The following ALK variants were observed in gnomAD, a reference collection of about 807,000 sequenced individuals.
ALK encodes the protein ALK tyrosine kinase receptor.
Under a neutral mutation model 163.1 loss-of-function variants are expected in ALK, and 74 were observed. That is an observed-to-expected ratio of 0.45 (90% confidence interval 0.38 to 0.55). ALK has a LOEUF of 0.55. ALK is among the 20% of genes least tolerant of loss of function. The pLI is 0.00. For synonymous variants in ALK, 960 were observed against 843.2 expected (o/e 1.14, Z -2.40); for missense variants, 2,063 against 2,105.3 (o/e 0.98, Z 0.39).
At chr2:29,886,426 A>G (rs1666985827) in intron 1 of ALK, among the ~76,000 whole-genome samples, 1 of 152,228 alleles carries the variant, frequency 6.6e-6, no homozygotes, top group Admixed American at 6.5e-5. Context: ...CATGTGTAGT[A>G]CCCTGGCCCT....
chr2:29,425,015 A>G (rs2148069923), intron 4 of ALK, among the ~76,000 whole-genome samples: 1 of 152,322 alleles, frequency 6.6e-6, no homozygotes, highest in South Asian at 2.1e-4. Flanking sequence ...AAAAATAAAG[A>G]ATTGCAGAGG....
At position 29,478,103 on chromosome 2, in the gene ALK, C is replaced by G. The variant is rs192612657; in HGVS notation, c.1154+53812G>C. 7.8e-3 allele frequency among the ~76,000 whole-genome samples: 1,188 copies of G among 152,326 alleles called. 20 individuals carry two copies. Among genetic ancestry groups the G allele is most frequent in the African/African-American group, 0.028 (1,155 of 41,568 alleles). On this transcript the variant is annotated intron_variant, in intron 4 of 28. Transcript: ENST00000389048. ...TCACTCTCAGCTTCTCAAAGCTCCC[C>G]AGGTTTGCTGCCTGTGGCTCCAGAC... is the stretch of plus-strand genomic sequence containing the variant.
At chr2:29,469,736 T>C (rs934697324) in intron 4 of ALK, among the ~76,000 whole-genome samples, 4 of 152,204 alleles carry the variant, frequency 2.6e-5, no homozygotes, top group African/African-American at 9.7e-5. Context: ...AGTCATTTAG[T>C]CATTCATTGA....
At chr2:29,756,260 C>G (rs898930264) in intron 1 of ALK, among the ~76,000 whole-genome samples, 1 of 152,162 alleles carries the variant, frequency 6.6e-6, no homozygotes, top group Non-Finnish European at 1.5e-5. Flanking sequence ...GAGGACCTTC[C>G]GGACCTTTTA....
intron 4 of ALK, among the ~76,000 whole-genome samples, chr2:29,406,454 C>T (rs1277961946): frequency 6.6e-6 from 1 of 152,202 alleles, no homozygotes; most frequent in Non-Finnish European, 1.5e-5. Context: ...AGTTTGCCTT[C>T]AGTAAACAGG....
intron 1 of ALK, among the ~76,000 whole-genome samples, chr2:29,901,207 C>G (rs551917392): frequency 7.9e-5 from 12 of 152,314 alleles, no homozygotes; most frequent in Admixed American, 2.0e-4. Flanking sequence ...AACTATCTGT[C>G]TCTTGCAGCT....
At position 29,846,912 on chromosome 2, in the gene ALK, G is replaced by A. The variant is rs574575925; in HGVS notation, c.667+73081C>T. ...TCAGAACAGTCAGGTTATTTGGCCC[G>A]CACCTATAAGCAGATCTGTCTGACT... On this transcript the variant is annotated intron_variant, in intron 1 of 28. Coordinates refer to ENST00000389048, the MANE Select transcript of ALK (RefSeq NM_004304.5). Among the ~76,000 whole-genome samples, 18 of 152,068 alleles carry A rather than the reference G, an allele frequency of 1.2e-4. No individual in the cohort carries two copies. The South Asian group carries it at 3.1e-3, about 26-fold the overall frequency.
intron 24 of ALK, among the ~76,000 whole-genome samples, 162 bp downstream of exon 24, chr2:29,213,821 CA>C (rs1030018568): frequency 6.6e-6 from 1 of 151,910 alleles, no homozygotes; most frequent in Non-Finnish European, 1.5e-5. Context: ...CTGTCTCTCA[CA>C]AAAAAACAAT....
intron 1 of ALK, among the ~76,000 whole-genome samples, chr2:29,827,660 A>G (rs1490187710): frequency 6.6e-6 from 1 of 152,158 alleles, no homozygotes; most frequent in Non-Finnish European, 1.5e-5. Flanking sequence ...CTTTGCAAGG[A>G]GACTGAGAAT....
chr2:29,473,718 T>A (rs958168657), intron 4 of ALK, among the ~76,000 whole-genome samples: 1 of 149,054 alleles, frequency 6.7e-6, no homozygotes, highest in Non-Finnish European at 1.5e-5. Flanking sequence ...AAAAAAAAAA[T>A]ACAAAAATTA....
chr2:29,894,748 T>C (rs896264619), intron 1 of ALK, among the ~76,000 whole-genome samples: 1 of 152,150 alleles, frequency 6.6e-6, no homozygotes, highest in Non-Finnish European at 1.5e-5. Context: ...TCTGTGATTC[T>C]GGACTCCCTT....
chr2:29,396,016 C>T (rs1243966971), intron 4 of ALK, among the ~76,000 whole-genome samples: 2 of 121,346 alleles, frequency 1.6e-5, no homozygotes, highest in Non-Finnish European at 3.9e-5. Context: ...CTCTCGTTAA[C>T]CTGTTTTTTG....
intron 5 of ALK, among the ~76,000 whole-genome samples, chr2:29,378,306 T>G (rs1051996537): frequency 6.6e-6 from 1 of 152,206 alleles, no homozygotes. Flanking sequence ...GTATCACATT[T>G]CAAGGAAAAT....
intron 9 of ALK, among the ~76,000 whole-genome samples, chr2:29,294,060 C>G (rs1666114130): frequency 6.6e-6 from 1 of 152,192 alleles, no homozygotes; most frequent in South Asian, 2.1e-4. Context: ...CAGGAGCTGC[C>G]TAAGGAAGCT....
At chr2:29,438,679 C>T (rs4597470) in intron 4 of ALK, among the ~76,000 whole-genome samples, 135,643 of 152,260 alleles carry the variant, frequency 0.89, 60,712 homozygotes, top group African/African-American at 0.94. Flanking sequence ...GGGCTGCCTT[C>T]AGGAATATGT....
At chr2:29,800,913 C>T (rs961586183) in intron 1 of ALK, among the ~76,000 whole-genome samples, 9 of 152,226 alleles carry the variant, frequency 5.9e-5, no homozygotes, top group Admixed American at 5.2e-4. Flanking sequence ...CGCCGCTAAG[C>T]GTGCCCATGC....
At chr2:29,561,384 T>G (rs555452712) in intron 3 of ALK, among the ~76,000 whole-genome samples, 1 of 152,326 alleles carries the variant, frequency 6.6e-6, no homozygotes, top group African/African-American at 2.4e-5. Flanking sequence ...TTGTAGCTGT[T>G]TAGGCCCCTG....
At chr2:29,847,924 G>A (rs1365904076) in intron 1 of ALK, among the ~76,000 whole-genome samples, 4 of 152,072 alleles carry the variant, frequency 2.6e-5, no homozygotes, top group Non-Finnish European at 1.5e-5. Flanking sequence ...AGCAGAGATG[G>A]GAAAGAGTCT....
chr2:29,916,177 T>A (rs145573457), intron 1 of ALK, among the ~76,000 whole-genome samples: 3 of 152,194 alleles, frequency 2.0e-5, no homozygotes, highest in African/African-American at 7.2e-5. Context: ...CCCCACTCCA[T>A]TGGAATTCCA....
Sources: allele counts gnomAD v4.1 joint callset (sites outside exome capture counted in the v4.1 genomes callset), GRCh38; gene constraint gnomAD v4.1.1; transcripts MANE v1.5; gene names NCBI Gene and HGNC (gene_info 2026-07-23, HGNC 2026-07-21).